Variants in MAGI1 observed in about 807,000 individuals in gnomAD.
The protein encoded by MAGI1 is membrane associated guanylate kinase, WW and PDZ domain containing 1.
Under a neutral mutation model 139.9 loss-of-function variants are expected in MAGI1, and 58 were observed. That is an observed-to-expected ratio of 0.41 (90% CI 0.34 to 0.52). MAGI1 has a LOEUF of 0.52. Among genes scored for constraint, MAGI1 ranks in the 20% least tolerant of loss-of-function variants. The pLI is 0.12. For synonymous variants in MAGI1, 812 were observed against 737.9 expected, an observed-to-expected ratio of 1.10 and a Z score of -1.63; for missense variants, 1,874 against 1,901.6, an observed-to-expected ratio of 0.99 and a Z score of 0.27.
intron 1 of MAGI1, among the ~76,000 whole-genome samples, chr3:65,922,919 A>G (rs1324100876): frequency 7.1e-6 from 1 of 140,790 alleles, no homozygotes; most frequent in East Asian, 2.2e-4. Flanking sequence ...CTCTGGTAGG[A>G]CTATACATAA....
At chr3:65,591,122 G>A (rs1268257713) in intron 2 of MAGI1, among the ~76,000 whole-genome samples, 2 of 152,030 alleles carry the variant, frequency 1.3e-5, no homozygotes, top group Non-Finnish European at 2.9e-5. Context: ...GCTAAATCAT[G>A]GTACAGCAAA....
chr3:65,604,092 G>T lies in MAGI1; in HGVS notation c.430+17880C>A, dbSNP rs1049921855. Among the ~76,000 whole-genome samples, 3 of 152,036 alleles carry T rather than the reference G, an allele frequency of 2.0e-5. No homozygotes were observed. The East Asian group carries it at 5.8e-4, about 29-fold the overall frequency. On this transcript the variant is annotated intron_variant, in intron 2 of 22. Transcript: ENST00000402939. ...ATCAAAATTTCCTTAGTTCTAAGAT[G>T]TAATTAATTATAAGATTCAACTTTC... is the stretch of plus-strand genomic sequence containing the variant.
intron 1 of MAGI1, among the ~76,000 whole-genome samples, chr3:66,036,909 C>T (rs1453676001): frequency 6.6e-6 from 1 of 152,162 alleles, no homozygotes; most frequent in African/African-American, 2.4e-5. Context: ...CTTGTCTGTA[C>T]CAAAGTGAGA....
chr3:65,369,764 C>A (rs1479776938), intron 18 of MAGI1, among the ~76,000 whole-genome samples: 1 of 151,342 alleles, frequency 6.6e-6, no homozygotes, highest in African/African-American at 2.4e-5. Flanking sequence ...CCACCTTGGC[C>A]ACCCAACGTG....
intron 1 of MAGI1, among the ~76,000 whole-genome samples, chr3:65,829,111 C>A (rs573996270): frequency 2.2e-4 from 34 of 152,338 alleles, no homozygotes; most frequent in Non-Finnish European, 4.7e-4. Context: ...CCAGTGACAT[C>A]CACGTCAGCC....
At position 65,821,474 on chromosome 3, in the gene MAGI1, AT is replaced by A. The variant is rs1357685312; in HGVS notation, c.314-199387del. Among the ~76,000 whole-genome samples, 10 of 152,208 alleles carry A rather than the reference AT, an allele frequency of 6.6e-5. No homozygotes were observed. In the East Asian group the frequency reaches 1.9e-3, roughly 29 times the overall value. ...CAGTGTCTCCTGGATGAGAAACTGA[AT>A]ACATTAAAATACAGCCATAACACCT... is the stretch of plus-strand genomic sequence containing the variant. On this transcript the variant is annotated intron_variant, in intron 1 of 22. Coordinates refer to ENST00000402939, the MANE Select transcript of MAGI1 (RefSeq NM_001033057.2).
chr3:65,974,963 A>C lies in MAGI1; in HGVS notation c.313+63033T>G, dbSNP rs186220617. ...GAGGCTGTGGAGTTTGAAATAATCA[A>C]ATCTTCTAAATTGCAAAGCCAGTAA... On this transcript the variant is annotated intron_variant, in intron 1 of 22. Coordinates refer to ENST00000402939, the MANE Select transcript of MAGI1 (RefSeq NM_001033057.2). Among the ~76,000 whole-genome samples the C allele has an allele frequency of 4.2e-3, 643 of 152,284 alleles. 1 individual carries two copies. The highest frequency in any genetic ancestry group is 0.01 in the Middle Eastern group (3 of 294).
At chr3:65,753,255 C>A (rs1042231899) in intron 1 of MAGI1, among the ~76,000 whole-genome samples, 2 of 152,090 alleles carry the variant, frequency 1.3e-5, no homozygotes, top group Non-Finnish European at 2.9e-5. Flanking sequence ...GAGACCTAAA[C>A]TGTCCAGGCT....
chr3:65,767,044 A>T (rs12636920), intron 1 of MAGI1, among the ~76,000 whole-genome samples: 75,497 of 151,958 alleles, frequency 0.5, 19,619 homozygotes, highest in East Asian at 0.59. Flanking sequence ...TTTTTCTTAC[A>T]TAAGTGCATG....
At chr3:65,807,434 A>C (rs760403234) in intron 1 of MAGI1, among the ~76,000 whole-genome samples, 1 of 152,172 alleles carries the variant, frequency 6.6e-6, no homozygotes, top group Admixed American at 6.5e-5. Flanking sequence ...TGACTTAATC[A>C]CAGCCTAAAG....
intron 1 of MAGI1, among the ~76,000 whole-genome samples, chr3:65,642,287 C>T (rs2085022736): frequency 6.6e-6 from 1 of 152,144 alleles, no homozygotes; most frequent in Non-Finnish European, 1.5e-5. Flanking sequence ...TGCAGCCACT[C>T]CCATATCTTG....
intron 1 of MAGI1, among the ~76,000 whole-genome samples, chr3:66,025,474 A>G (rs1268691390): frequency 6.6e-6 from 1 of 152,192 alleles, no homozygotes; most frequent in African/African-American, 2.4e-5. Flanking sequence ...CAGGAGATAC[A>G]GGTGAGCCAA....
At chr3:65,505,624 G>T (rs528815650) in intron 2 of MAGI1, among the ~76,000 whole-genome samples, 97 of 134,660 alleles carry the variant, frequency 7.2e-4, no homozygotes, top group Admixed American at 1.1e-3. Flanking sequence ...TCCAGCCTGG[G>T]CGACAAAGTC....
intron 1 of MAGI1, among the ~76,000 whole-genome samples, chr3:65,637,967 G>C (rs2084742422): frequency 6.6e-6 from 1 of 152,090 alleles, no homozygotes; most frequent in Non-Finnish European, 1.5e-5. Context: ...AGAGTCTCTT[G>C]GACTACAGGA....
At chr3:65,918,397 T>TG (rs1553729261) in intron 1 of MAGI1, among the ~76,000 whole-genome samples, 1 of 151,062 alleles carries the variant, frequency 6.6e-6, no homozygotes, top group African/African-American at 2.4e-5. Context: ...TTTTTTTTTT[T>TG]GTGAGACGGA....
At chr3:65,359,106 G>A (rs370061238) in intron 22 of MAGI1, 8 of 1,613,948 alleles carry the variant, frequency 5.0e-6, no homozygotes, top group Admixed American at 1.7e-5. Context: ...AAGCCTCCCC[G>A]AGCTTTTCAT....
rs756997508 is a variant in MAGI1 at position 65,364,899 on chromosome 3, T to C, written c.3244A>G (p.Ile1082Val). The change falls in exon 19 of 23, where the codon ATC (isoleucine) becomes GTC (valine). Residue 1082 changes from isoleucine (I) to valine (V), a missense_variant. This residue lies in a region of MAGI1 where 653 missense variants were observed against 644.5 expected (regional missense o/e 1.01). Transcript: ENST00000402939. ...LLTNAEKIAT[I>V]TTTHTPSQQG... Reference sequence around the variant, plus strand: ...TGAGAAGGGGTGTGTGTGGTGGTGATGGTGGCAATCTTCTCTGCATTGGTC... The same window carrying C: ...TGAGAAGGGGTGTGTGTGGTGGTGACGGTGGCAATCTTCTCTGCATTGGTC... 6 of 1,613,904 alleles carry C rather than the reference T, an allele frequency of 3.7e-6. No homozygotes were observed. Among genetic ancestry groups the C allele is most frequent in the Admixed American group, 3.3e-5 (2 of 60,002 alleles).
At chr3:65,608,368 A>G (rs1381504262) in intron 2 of MAGI1, among the ~76,000 whole-genome samples, 1 of 152,094 alleles carries the variant, frequency 6.6e-6, no homozygotes, top group Non-Finnish European at 1.5e-5. Context: ...CCAGGAGGCA[A>G]AGGTTGCAGT....
intron 1 of MAGI1, among the ~76,000 whole-genome samples, chr3:65,952,306 A>G: frequency 6.6e-6 from 1 of 152,286 alleles, no homozygotes; most frequent in Middle Eastern, 3.4e-3. Context: ...TTTGGTGTTC[A>G]TGACTCATAA....
Sources: gnomAD v4.1 joint callset for allele counts (sites outside exome capture counted in the v4.1 genomes callset) on GRCh38, gnomAD v4.1.1 for gene constraint, gnomAD v4.1.1 regional missense constraint, MANE v1.5 for transcripts, NCBI Gene and HGNC (gene_info 2026-07-23, HGNC 2026-07-21) for gene names.